The following ADGRB3 variants were observed in gnomAD, a reference collection of about 807,000 sequenced individuals.
ADGRB3 encodes brain-specific angiogenesis inhibitor 3.
ADGRB3 carries 37 observed loss-of-function variants against 193.4 expected under a neutral mutation model. That is an observed-to-expected ratio of 0.19 (90% CI 0.15 to 0.25). The LOEUF (loss-of-function observed/expected upper bound fraction) is 0.25, where lower values mean the gene tolerates loss of function less well. Among genes scored for constraint, ADGRB3 ranks in the 10% least tolerant of loss-of-function variants. ADGRB3 has a pLI of 1.00. For synonymous variants in ADGRB3, 690 were observed against 644.2 expected, an observed-to-expected ratio of 1.07 and a Z score of -1.08; for missense variants, 1,637 against 1,852.9, an observed-to-expected ratio of 0.88 and a Z score of 2.14.
At chr6:69,204,623 A>G (rs1311210143) in intron 17 of ADGRB3, among the ~76,000 whole-genome samples, 2 of 152,162 alleles carry the variant, frequency 1.3e-5, no homozygotes, top group South Asian at 2.1e-4. Context: ...AAAATACATG[A>G]AGAGCTGGGT....
Position 68,956,650 on chromosome 6 carries a change from G to C in ADGRB3, c.1366G>C (p.Gly456Arg). The change falls in exon 8 of 32, where the codon GGT becomes CGT. Residue 456 changes from glycine (G) to arginine (R), a missense_variant. This residue lies in a region of ADGRB3 where 641 missense variants were observed against 673.9 expected (regional missense o/e 0.95). Coordinates refer to ENST00000370598, the MANE Select transcript of ADGRB3 (RefSeq NM_001704.3). ...ECYNPECTAN[G>R]QWNQWGHWSG... The stretch of plus-strand genomic sequence containing the variant: ...CCATGAAACATTTCTTTCAGCCAAT[G>C]GTCAATGGAATCAGTGGGGTCATTG... 1 of 1,613,938 alleles carries C rather than the reference G, an allele frequency of 6.2e-7. No individual in the cohort carries two copies. The highest frequency in any genetic ancestry group is 8.5e-7 in the Non-Finnish European group (1 of 1,179,920).
chr6:68,969,834 G>A (rs1768506710), intron 8 of ADGRB3, among the ~76,000 whole-genome samples: 1 of 152,118 alleles, frequency 6.6e-6, no homozygotes, highest in South Asian at 2.1e-4. Context: ...CTCCTCCACG[G>A]CATTGGCCAT....
At chr6:69,091,112 T>C (rs1272745734) in intron 17 of ADGRB3, among the ~76,000 whole-genome samples, 1 of 152,184 alleles carries the variant, frequency 6.6e-6, no homozygotes, top group Non-Finnish European at 1.5e-5. Context: ...TCAGTCAGAA[T>C]GGCTATTACT....
chr6:69,125,740 AC>A (rs751386851), intron 17 of ADGRB3, among the ~76,000 whole-genome samples: 1 of 151,968 alleles, frequency 6.6e-6, no homozygotes, highest in African/African-American at 2.4e-5. Context: ...AACCCAATCC[AC>A]CCTTTATTTA....
chr6:69,364,341 G>C (rs1465793853), intron 29 of ADGRB3, among the ~76,000 whole-genome samples: 2 of 151,946 alleles, frequency 1.3e-5, no homozygotes. Context: ...AGAGTGCAGA[G>C]GGTGAGTGGG....
chr6:69,114,199 C>T (rs1773457043), intron 17 of ADGRB3, among the ~76,000 whole-genome samples: 1 of 152,276 alleles, frequency 6.6e-6, no homozygotes, highest in East Asian at 1.9e-4. Flanking sequence ...CTATTATCAC[C>T]ATTTTACAGA....
At chr6:69,045,130 A>C (rs1771200572) in intron 13 of ADGRB3, among the ~76,000 whole-genome samples, 1 of 152,192 alleles carries the variant, frequency 6.6e-6, no homozygotes, top group Non-Finnish European at 1.5e-5. Context: ...ACAGCATCAA[A>C]ATTTTACCTG....
At chr6:69,200,951 A>C (rs550812493) in intron 17 of ADGRB3, among the ~76,000 whole-genome samples, 80 of 152,278 alleles carry the variant, frequency 5.3e-4, no homozygotes, top group African/African-American at 1.9e-3. Context: ...TTTATTAAAG[A>C]AGTGCAAAAA....
chr6:68,889,149 A>C (rs1766001114), intron 3 of ADGRB3, among the ~76,000 whole-genome samples: 1 of 152,370 alleles, frequency 6.6e-6, no homozygotes, highest in East Asian at 1.9e-4. Context: ...TTTTGTAGAA[A>C]TTTTAAGAAT....
chr6:69,208,126 A>G (rs571697277), intron 17 of ADGRB3, among the ~76,000 whole-genome samples: 1 of 152,146 alleles, frequency 6.6e-6, no homozygotes, highest in Non-Finnish European at 1.5e-5. Context: ...CGTAACCTCC[A>G]TTCCTGCCAC....
At chr6:69,315,488 A>G (rs567229267) in intron 20 of ADGRB3, among the ~76,000 whole-genome samples, 1 of 151,690 alleles carries the variant, frequency 6.6e-6, no homozygotes, top group South Asian at 2.1e-4. Flanking sequence ...CCTTTGTGCA[A>G]ATCCCTGTTT....
At chr6:69,095,114 A>G (rs1261805702) in intron 17 of ADGRB3, among the ~76,000 whole-genome samples, 1 of 152,158 alleles carries the variant, frequency 6.6e-6, no homozygotes, top group African/African-American at 2.4e-5. Context: ...AACCCCAAGT[A>G]ATTGAATGGT....
At chr6:68,730,726 A>G (rs1182757114) in intron 3 of ADGRB3, among the ~76,000 whole-genome samples, 1 of 151,722 alleles carries the variant, frequency 6.6e-6, no homozygotes, top group African/African-American at 2.4e-5. Flanking sequence ...TCAACAACTC[A>G]GTTATAAAGA....
At chr6:69,216,385 C>T (rs977615869) in intron 17 of ADGRB3, among the ~76,000 whole-genome samples, 2 of 152,138 alleles carry the variant, frequency 1.3e-5, no homozygotes, top group East Asian at 3.9e-4. Flanking sequence ...ATTTGAAGGG[C>T]TTTTAACACC....
chr6:69,038,279 A>G (rs1477085567), intron 13 of ADGRB3, among the ~76,000 whole-genome samples: 1 of 152,054 alleles, frequency 6.6e-6, no homozygotes, highest in Non-Finnish European at 1.5e-5. Flanking sequence ...TTATTTCTCT[A>G]ATAAGGTTTG....
chr6:68,816,421 CA>C (rs1767632462), intron 3 of ADGRB3, among the ~76,000 whole-genome samples: 2 of 151,778 alleles, frequency 1.3e-5, no homozygotes, highest in Non-Finnish European at 2.9e-5. Flanking sequence ...TACAGGGGTG[CA>C]AAAATAATTT....
intron 3 of ADGRB3, among the ~76,000 whole-genome samples, chr6:68,750,708 G>A (rs1262943735): frequency 1.3e-5 from 2 of 152,110 alleles, no homozygotes; most frequent in East Asian, 1.9e-4. Flanking sequence ...GCCAGTGAGG[G>A]TGAGGTGGGG....
At chr6:69,130,254 C>A (rs1349382316) in intron 17 of ADGRB3, among the ~76,000 whole-genome samples, 1 of 151,996 alleles carries the variant, frequency 6.6e-6, no homozygotes, top group Non-Finnish European at 1.5e-5. Flanking sequence ...AAGACCTAGT[C>A]ACCTTTCAAA....
intron 3 of ADGRB3, among the ~76,000 whole-genome samples, chr6:68,929,934 A>G (rs1477593300): frequency 1.3e-5 from 2 of 152,020 alleles, no homozygotes; most frequent in Non-Finnish European, 2.9e-5. Context: ...TAAAAGAGAA[A>G]ATATTCTCTT....
Sources: allele counts gnomAD v4.1 joint callset (sites outside exome capture counted in the v4.1 genomes callset), GRCh38; gene constraint gnomAD v4.1.1; regional missense constraint gnomAD v4.1.1; transcripts MANE v1.5; gene names NCBI Gene and HGNC (gene_info 2026-07-23, HGNC 2026-07-21).